The following BEND6 variants were observed in gnomAD, a reference collection of about 807,000 sequenced individuals.
BEND6 encodes the protein BEN domain containing 6.
In BEND6, 24 loss-of-function variants were observed where a neutral mutation model predicts 31.8. That is an observed-to-expected ratio of 0.75 (90% CI 0.55 to 1.06). The LOEUF is 1.06. BEND6 is among the 50% of genes least tolerant of loss of function. The pLI is 0.00. For missense variants in BEND6, 294 were observed against 327.4 expected (o/e 0.90, Z 0.79); for synonymous variants, 109 against 114.6 (o/e 0.95, Z 0.31).
intron 3 of BEND6, among the ~76,000 whole-genome samples, chr6:57,006,943 A>T (rs1429327659): frequency 6.6e-6 from 1 of 152,188 alleles, no homozygotes; most frequent in African/African-American, 2.4e-5. Context: ...TAATCAATTG[A>T]TTTTTGACAA....
chr6:56,990,249 C>CTTTT (rs943959318), intron 2 of BEND6, among the ~76,000 whole-genome samples: 32 of 110,146 alleles, frequency 2.9e-4, no homozygotes, highest in East Asian at 1.4e-3. Context: ...CCACTCGCTT[C>CTTTT]TTTTTTTTTT....
At chr6:57,006,070 G>C (rs1422487347) in intron 3 of BEND6, among the ~76,000 whole-genome samples, 4 of 152,154 alleles carry the variant, frequency 2.6e-5, no homozygotes, top group Non-Finnish European at 5.9e-5. Flanking sequence ...AAAATATGAA[G>C]AAGCAAACCA....
intron 1 of BEND6, among the ~76,000 whole-genome samples, chr6:56,968,996 A>G (rs1825591226): frequency 6.6e-6 from 1 of 151,606 alleles, no homozygotes. Flanking sequence ...AATCACTTGA[A>G]CCCAGGAGGC....
chr6:56,973,306 T>C (rs1825753004), intron 1 of BEND6, among the ~76,000 whole-genome samples: 1 of 152,144 alleles, frequency 6.6e-6, no homozygotes, highest in South Asian at 2.1e-4. Context: ...AAATAATAAA[T>C]CTGCTGTAGG....
chr6:56,963,608 T>C (rs778548998), intron 1 of BEND6, among the ~76,000 whole-genome samples: 42 of 152,088 alleles, frequency 2.8e-4, no homozygotes, highest in Admixed American at 2.4e-3. Context: ...TTCTTTATAT[T>C]TTTACAAAAG....
At chr6:57,007,482 T>C (rs193204292) in intron 3 of BEND6, among the ~76,000 whole-genome samples, 1 of 152,200 alleles carries the variant, frequency 6.6e-6, no homozygotes, top group East Asian at 1.9e-4. Context: ...GAAAAGATTT[T>C]GTGAATAGGA....
At chr6:57,009,740 T>A (rs935548895) in intron 3 of BEND6, 3 of 152,178 alleles carry the variant, frequency 2.0e-5, no homozygotes, top group Admixed American at 1.3e-4. Context: ...TGAGCATGAA[T>A]AAGAATGACA....
At chr6:57,011,389 A>G (rs1023775418) in intron 3 of BEND6, among the ~76,000 whole-genome samples, 1 of 152,200 alleles carries the variant, frequency 6.6e-6, no homozygotes, top group Non-Finnish European at 1.5e-5. Context: ...TCAGAGGTGC[A>G]TATGAAAATG....
At chr6:57,005,161 C>T (rs1827108001) in intron 3 of BEND6, among the ~76,000 whole-genome samples, 1 of 151,776 alleles carries the variant, frequency 6.6e-6, no homozygotes, top group Non-Finnish European at 1.5e-5. Context: ...AATAATAAAT[C>T]ACTGGCTCAT....
At chr6:56,981,238 T>A (rs1162515462) in intron 1 of BEND6, among the ~76,000 whole-genome samples, 1 of 152,208 alleles carries the variant, frequency 6.6e-6, no homozygotes, top group Non-Finnish European at 1.5e-5. Context: ...AAATCTTGCA[T>A]TTCAAGACTT....
intron 1 of BEND6, among the ~76,000 whole-genome samples, chr6:56,971,851 A>G (rs561331244): frequency 6.6e-6 from 1 of 152,108 alleles, no homozygotes; most frequent in African/African-American, 2.4e-5. Flanking sequence ...TGCGTTCTGG[A>G]TATTAATCTC....
intron 1 of BEND6, chr6:56,975,993 T>G: frequency 2.0e-6 from 1 of 505,138 alleles, no homozygotes; most frequent in East Asian, 5.1e-5. Context: ...CATGGTGGCT[T>G]CTTCAGCTTC....
chr6:57,000,876 CT>C (rs566182344), intron 3 of BEND6, among the ~76,000 whole-genome samples: 61 of 125,896 alleles, frequency 4.8e-4, no homozygotes, highest in African/African-American at 1.8e-3. Flanking sequence ...ATATTAAACA[CT>C]TCCTCTGAAA....
intron 4 of BEND6, 83 bp downstream of exon 4, chr6:57,015,436 T>C: frequency 8.1e-7 from 1 of 1,230,848 alleles, no homozygotes; most frequent in Non-Finnish European, 1.1e-6. Context: ...GATCATTGTT[T>C]TATCAGATAA....
chr6:57,011,747 AAAAGAAAAGAAAAAGAAAGAAAG>A, intron 3 of BEND6, among the ~76,000 whole-genome samples: 2 of 147,656 alleles, frequency 1.4e-5, no homozygotes, highest in Non-Finnish European at 1.5e-5. Flanking sequence ...AAAAAAAAAG[AAAAGAAAAGAAAAAGAAAGAAAG>A]AAAGAAAAGA....
intron 6 of BEND6, 126 bp from the exon 7 acceptor site, chr6:57,025,956 C>T (rs1457124370): frequency 6.6e-6 from 1 of 151,930 alleles, no homozygotes; most frequent in African/African-American, 2.4e-5. Flanking sequence ...AACCAGAGTC[C>T]CTCAACAATT....
At chr6:57,000,448 C>T (rs1429989562) in intron 3 of BEND6, among the ~76,000 whole-genome samples, 2 of 151,930 alleles carry the variant, frequency 1.3e-5, no homozygotes, top group Admixed American at 6.6e-5. Context: ...ACAAACACTG[C>T]GGAAGGCCTA....
At chr6:56,990,249 C>CTTTTTTTT (rs943959318) in intron 2 of BEND6, among the ~76,000 whole-genome samples, 2 of 110,172 alleles carry the variant, frequency 1.8e-5, no homozygotes, top group African/African-American at 3.4e-5. Flanking sequence ...CCACTCGCTT[C>CTTTTTTTT]TTTTTTTTTT....
intron 6 of BEND6, among the ~76,000 whole-genome samples, chr6:57,022,079 T>C (rs1827761457): frequency 6.6e-6 from 1 of 152,092 alleles, no homozygotes; most frequent in African/African-American, 2.4e-5. Context: ...TGTGCCCTTC[T>C]CTGGTTTTGG....
Sources: allele counts gnomAD v4.1 joint callset (sites outside exome capture counted in the v4.1 genomes callset), GRCh38; gene constraint gnomAD v4.1.1; transcripts MANE v1.5; gene names NCBI Gene and HGNC (gene_info 2026-07-23, HGNC 2026-07-21).